Variants in PRDM15 observed in about 807,000 individuals in gnomAD.
PRDM15 encodes PR/SET domain 15.
In PRDM15, 64 loss-of-function variants were observed where a neutral mutation model predicts 128.6. The observed-to-expected ratio is 0.50, with a 90% CI of 0.41 to 0.61. The LOEUF (loss-of-function observed/expected upper bound fraction) is 0.61. Ranked by LOEUF, PRDM15 falls within the 20% of genes least tolerant of loss-of-function variation. The pLI is 0.00. For synonymous variants in PRDM15, 615 were observed against 621.8 expected, an observed-to-expected ratio of 0.99 and a Z score of 0.16; for missense variants, 1,242 against 1,569.1, an observed-to-expected ratio of 0.79 and a Z score of 3.52.
rs753132848 is a variant in PRDM15, at chr21:41,847,078, C to G, written c.640+12G>C. ...AGTTTTACAACTGGGGCTCCCCACA[C>G]GTCCTCCTTACCATTGAGGAGCTGC... On this transcript the variant is annotated intron_variant, in intron 6 of 23. Transcript: ENST00000398548. 1.3e-6 allele frequency: 2 copies of G among 1,511,888 alleles called. No homozygotes were observed. Among genetic ancestry groups the G allele is most frequent in the Non-Finnish European group, 9.0e-7 (1 of 1,111,558 alleles). 93.7% of individuals were successfully genotyped at this position (1,511,888 alleles called of 1,614,324 possible).
At chr21:41,839,582 G>A in intron 7 of PRDM15, 41 bp downstream of exon 7, 1 of 1,569,742 alleles carries the variant, frequency 6.4e-7, no homozygotes, top group African/African-American at 1.4e-5. Flanking sequence ...CAGGAGGGCT[G>A]CGCCCCACGC....
intron 5 of PRDM15, among the ~76,000 whole-genome samples, chr21:41,847,451 TCA>T (rs1256036144): frequency 2.6e-5 from 4 of 152,166 alleles, no homozygotes; most frequent in African/African-American, 9.7e-5. Context: ...GGGTCACCAG[TCA>T]CAGAGCTGAG....
chr21:41,851,654 T>G lies in PRDM15; in HGVS notation c.538+2912A>C, dbSNP rs377369860. The stretch of plus-strand genomic sequence containing the variant: ...GGCTGCTGGCTTGCCATTTGAACAA[T>G]CAGCAGGTGGACCCCAGGGAAAGTT... On this transcript the variant is annotated intron_variant, in intron 5 of 23. Transcript: ENST00000398548. Among the ~76,000 whole-genome samples, 28 of 152,038 alleles carry G rather than the reference T, an allele frequency of 1.8e-4. No individual in the cohort carries two copies. In the East Asian group the frequency reaches 3.3e-3, roughly 18 times the overall value.
intron 21 of PRDM15, among the ~76,000 whole-genome samples, chr21:41,806,756 C>T (rs978892904): frequency 1.4e-4 from 20 of 143,820 alleles, no homozygotes; most frequent in Admixed American, 2.7e-4. Flanking sequence ...CCATCACCAC[C>T]GCCACCACCA....
chr21:41,835,950 TCCCTCCCCCACAGCCCC>T (rs1191193997), intron 10 of PRDM15, among the ~76,000 whole-genome samples, 146 bp downstream of exon 10: 22 of 81,448 alleles, frequency 2.7e-4, no homozygotes, highest in Middle Eastern at 6.8e-3. Context: ...GCCGCTCTCC[TCCCTCCCCCACAGCCCC>T]CGCCCACTCT....
intron 21 of PRDM15, among the ~76,000 whole-genome samples, chr21:41,809,374 A>G (rs963006099): frequency 6.6e-6 from 1 of 151,714 alleles, no homozygotes; most frequent in African/African-American, 2.4e-5. Context: ...CTGGGACTAC[A>G]GGCGCCCACC....
chr21:41,851,194 C>A (rs1031687812), intron 5 of PRDM15, among the ~76,000 whole-genome samples: 2 of 152,214 alleles, frequency 1.3e-5, no homozygotes, highest in Non-Finnish European at 2.9e-5. Flanking sequence ...CCCCAGAGGG[C>A]ACGTCACTGA....
At chr21:41,861,478 A>C in intron 1 of PRDM15, 1 of 1,189,454 alleles carries the variant, frequency 8.4e-7, no homozygotes, top group South Asian at 1.5e-5. Flanking sequence ...GCAGTTTGGG[A>C]GGAGCATAAA....
intron 3 of PRDM15, among the ~76,000 whole-genome samples, chr21:41,857,888 C>T (rs762732922): frequency 2.0e-5 from 3 of 152,212 alleles, no homozygotes; most frequent in Non-Finnish European, 4.4e-5. Flanking sequence ...TACACAAGGC[C>T]GACCACAGGG....
In PRDM15 at chr21:41,800,875, A is replaced by C. The variant is rs1008459509; in HGVS notation, c.*365T>G. On this transcript the variant is annotated 3_prime_UTR_variant, in exon 24 of 24. Transcript: ENST00000398548. ...AAAATGAACCATTTGTGTTCCTAAT[A>C]ACTTATCTCCTGCCTCTTAAAATCC... is the stretch of plus-strand genomic sequence containing the variant. The C allele has an allele frequency of 4.6e-6, 1 of 217,508 alleles. No individual in the cohort carries two copies. 13.5% of individuals were successfully genotyped at this position (217,508 alleles called of 1,614,324 possible).
In PRDM15 at chr21:41,850,202, G is replaced by A. The variant is rs541111019; in HGVS notation, c.539-3011C>T. Among the ~76,000 whole-genome samples, 9 of 152,280 alleles carry A rather than the reference G, an allele frequency of 5.9e-5. No homozygotes were observed. In the East Asian group the frequency reaches 9.7e-4, roughly 16 times the overall value. ...GATCTTGTGGGATTCTTCAAGCAGC[G>A]GATTCTCAGAGCGAGACTAAAAGGG... On this transcript the variant is annotated intron_variant, in intron 5 of 23. Transcript: ENST00000398548.
rs1383319216 is a variant in PRDM15, at chr21:41,830,463, CAT to C, written c.1367-2132_1367-2131del. Among the ~76,000 whole-genome samples, 544 of 151,644 alleles carry C rather than the reference CAT, an allele frequency of 3.6e-3. 5 individuals are homozygous for C. Among genetic ancestry groups the C allele is most frequent in the Non-Finnish European group, 4.7e-3 (318 of 67,852 alleles). On this transcript the variant is annotated intron_variant, in intron 11 of 23. Coordinates refer to ENST00000398548, the MANE Select transcript of PRDM15 (RefSeq NM_001040424.3). ...ATACACACTGAACACATACCACACA[CAT>C]ACACCACACACACACTGAACACATA...
In PRDM15 at chr21:41,815,819, C is replaced by T. The variant is rs928972736; in HGVS notation, c.2278G>A (p.Ala760Thr). The T allele has an allele frequency of 5.0e-6, 8 of 1,613,704 alleles. No homozygotes were observed. Among genetic ancestry groups the T allele is most frequent in the Admixed American group, 1.7e-5 (1 of 60,006 alleles). ...TGCAGCTTCATGTGGTGGCGCAGCG[C>T]GTGCTTGGTCTTCATGCCTTCAAGG... ...ECGKGMKTKHALRHHMKLHKG... is the reference protein window; with the variant it reads ...ECGKGMKTKHTLRHHMKLHKG... Residue 760 changes from alanine (A) to threonine (T), a missense_variant, in exon 19 of 24, where the codon GCG (alanine) becomes ACG (threonine). Ala to Thr is a moderately conservative substitution (Grantham distance 58). Coordinates refer to ENST00000398548, the MANE Select transcript of PRDM15 (RefSeq NM_001040424.3).
chr21:41,819,216 A>G (rs565791151), intron 18 of PRDM15, among the ~76,000 whole-genome samples: 1 of 152,228 alleles, frequency 6.6e-6, no homozygotes, highest in African/African-American at 2.4e-5. Context: ...CCAGGGCCAC[A>G]CTCTGGCAAT....
Position 41,825,201 on chromosome 21 carries a change from C to T in PRDM15, c.1629+759G>A, listed in dbSNP as rs114422634. Among the ~76,000 whole-genome samples the T allele has an allele frequency of 1.7e-3, 259 of 152,366 alleles. 1 individual carries two copies. The highest frequency in any genetic ancestry group is 7.5e-3 in the South Asian group (36 of 4,826). On this transcript the variant is annotated intron_variant, in intron 13 of 23. Coordinates refer to ENST00000398548, the MANE Select transcript of PRDM15 (RefSeq NM_001040424.3). ...AGTCACCTGAGTGAAAGCTAAGTAA[C>T]GAAGAAGTGATGCCACCTCCAGTCA...
Position 41,876,244 on chromosome 21 carries a change from T to C in PRDM15, c.-10+3026A>G, listed in dbSNP as rs903691867. ...AAATCATCATCTGATATAAAAGCTGTGTTTAATAGAAGAGAAAGAGCTTTT... is the reference window on the plus strand; with the variant it reads ...AAATCATCATCTGATATAAAAGCTGCGTTTAATAGAAGAGAAAGAGCTTTT... On this transcript the variant is annotated intron_variant, in intron 1 of 23. Coordinates refer to ENST00000398548, the MANE Select transcript of PRDM15 (RefSeq NM_001040424.3). Among the ~76,000 whole-genome samples the C allele has an allele frequency of 5.9e-5, 9 of 152,314 alleles. No homozygotes were observed. The East Asian group carries it at 1.7e-3, about 29-fold the overall frequency.
intron 16 of PRDM15, among the ~76,000 whole-genome samples, chr21:41,820,559 G>A (rs1054499400): frequency 6.6e-6 from 1 of 152,232 alleles, no homozygotes; most frequent in African/African-American, 2.4e-5. Flanking sequence ...AAGGGCCAAG[G>A]AGAGAAGTGT....
intron 1 of PRDM15, among the ~76,000 whole-genome samples, chr21:41,864,783 C>T (rs767049667): frequency 7.9e-5 from 12 of 152,140 alleles, no homozygotes; most frequent in Non-Finnish European, 1.8e-4. Context: ...CATCGCTTGC[C>T]AGCCTGAAGC....
In PRDM15 at chr21:41,801,637, G is replaced by C. The variant is rs2236695; in HGVS notation, c.3029C>G (p.Thr1010Ser). The C allele has an allele frequency of 0.018, 29,245 of 1,614,190 alleles. 1,017 individuals carry two copies. Among genetic ancestry groups the C allele is most frequent in the East Asian group, 0.11 (5,082 of 44,878 alleles). Reference sequence around the variant, plus strand: ...ATTGGTAAACTGAGTCGCGGCCGCAGTGGTGATGGGGGTCACGGTGATGTT... The same window carrying C: ...ATTGGTAAACTGAGTCGCGGCCGCACTGGTGATGGGGGTCACGGTGATGTT... ...LTNITVTPITTAAATQFTNLQ... is the reference protein window; with the variant it reads ...LTNITVTPITSAAATQFTNLQ... Residue 1010 changes from threonine (T) to serine (S), a missense_variant, in exon 24 of 24, where the codon ACT (threonine) becomes AGT (serine). Coordinates refer to ENST00000398548, the MANE Select transcript of PRDM15 (RefSeq NM_001040424.3).
Sources: gnomAD v4.1 joint callset for allele counts (sites outside exome capture counted in the v4.1 genomes callset) on GRCh38, gnomAD v4.1.1 for gene constraint, MANE v1.5 for transcripts, NCBI Gene and HGNC (gene_info 2026-07-23, HGNC 2026-07-21) for gene names.